Variants in NBEA observed in about 807,000 individuals in gnomAD.
NBEA encodes the protein neurobeachin, also known as lysosomal-trafficking regulator 2.
A neutral mutation model predicts 343.4 loss-of-function variants in NBEA; 44 were observed. That is an observed-to-expected ratio of 0.13 (90% CI 0.10 to 0.16). NBEA has a LOEUF of 0.16. NBEA is among the 10% of genes least tolerant of loss of function. The pLI is 1.00. For synonymous variants in NBEA, 1,175 were observed against 1,238.7 expected, an observed-to-expected ratio of 0.95 and a Z score of 1.08; for missense variants, 2,555 against 3,631.3, an observed-to-expected ratio of 0.70 and a Z score of 7.62.
intron 1 of NBEA, among the ~76,000 whole-genome samples, chr13:34,945,078 A>T (rs1009037521): frequency 1.3e-5 from 2 of 152,304 alleles, no homozygotes; most frequent in East Asian, 3.9e-4. Flanking sequence ...GTTATTTTAG[A>T]GAACTTTACC....
chr13:35,603,971 T>C (rs1382968270), intron 47 of NBEA, among the ~76,000 whole-genome samples: 3 of 152,222 alleles, frequency 2.0e-5, no homozygotes, highest in Non-Finnish European at 2.9e-5. Flanking sequence ...CATTCATACA[T>C]TGAAGTCATA....
At chr13:35,085,849 A>G (rs1267024975) in intron 10 of NBEA, among the ~76,000 whole-genome samples, 4 of 152,160 alleles carry the variant, frequency 2.6e-5, no homozygotes, top group Non-Finnish European at 5.9e-5. Flanking sequence ...ATCTCAGCCC[A>G]AAATCTCCTT....
intron 17 of NBEA, among the ~76,000 whole-genome samples, chr13:35,135,858 T>C (rs1484766615): frequency 6.6e-6 from 1 of 151,950 alleles, no homozygotes; most frequent in East Asian, 1.9e-4. Flanking sequence ...ATTATTTAAC[T>C]TCTGGATTGA....
chr13:35,348,252 T>G (rs563103273), intron 36 of NBEA, among the ~76,000 whole-genome samples: 22 of 152,268 alleles, frequency 1.4e-4, no homozygotes, highest in African/African-American at 5.3e-4. Flanking sequence ...TACATTTCTA[T>G]GTGAGAAAAG....
At chr13:35,051,476 A>G (rs1259454138) in intron 6 of NBEA, among the ~76,000 whole-genome samples, 1 of 152,000 alleles carries the variant, frequency 6.6e-6, no homozygotes, top group Admixed American at 6.6e-5. Context: ...TAGATTTTAC[A>G]TGATTCTAAT....
At chr13:35,246,662 T>C (rs1410229808) in intron 34 of NBEA, among the ~76,000 whole-genome samples, 1 of 152,186 alleles carries the variant, frequency 6.6e-6, no homozygotes, top group Non-Finnish European at 1.5e-5. Context: ...CAGTCGTGGA[T>C]ACCAGCACCT....
At chr13:35,445,814 A>ATATATATG (rs1555267196) in intron 39 of NBEA, among the ~76,000 whole-genome samples, 1 of 103,700 alleles carries the variant, frequency 9.6e-6, no homozygotes, top group African/African-American at 3.8e-5. Flanking sequence ...ATATATATAT[A>ATATATATG]TATGTATATA....
chr13:35,468,357 A>C (rs2075488788), intron 40 of NBEA, among the ~76,000 whole-genome samples: 1 of 152,176 alleles, frequency 6.6e-6, no homozygotes. Flanking sequence ...ATTTTGACTA[A>C]GCACAGACAA....
chr13:35,574,128 T>C (rs2080590107), intron 45 of NBEA, among the ~76,000 whole-genome samples: 2 of 152,050 alleles, frequency 1.3e-5, no homozygotes, highest in African/African-American at 4.8e-5. Flanking sequence ...TAATAGCCAA[T>C]ATTTTGCATG....
intron 36 of NBEA, among the ~76,000 whole-genome samples, chr13:35,327,070 A>G (rs1362943685): frequency 1.3e-5 from 2 of 152,118 alleles, no homozygotes; most frequent in Non-Finnish European, 2.9e-5. Context: ...AATCAAAACC[A>G]CAATGATATA....
intron 38 of NBEA, among the ~76,000 whole-genome samples, chr13:35,430,872 A>G (rs905150799): frequency 3.3e-5 from 5 of 152,268 alleles, no homozygotes; most frequent in East Asian, 3.9e-4. Flanking sequence ...TTATTCATCA[A>G]GTAATCATTA....
intron 41 of NBEA, among the ~76,000 whole-genome samples, chr13:35,549,666 G>C (rs1414220743): frequency 6.6e-6 from 1 of 152,114 alleles, no homozygotes; most frequent in Admixed American, 6.6e-5. Flanking sequence ...AGCAGGAAGG[G>C]CAAAGTGGTA....
At chr13:35,176,871 C>A in intron 27 of NBEA, 125 bp from the exon 28 acceptor site, 1 of 615,432 alleles carries the variant, frequency 1.6e-6, no homozygotes, top group South Asian at 2.1e-5. Flanking sequence ...GGATTATGAT[C>A]AATAAATGTT....
At chr13:35,172,916 C>T (rs1404681846) in intron 26 of NBEA, among the ~76,000 whole-genome samples, 1 of 152,002 alleles carries the variant, frequency 6.6e-6, no homozygotes, top group Non-Finnish European at 1.5e-5. Flanking sequence ...TAAATAAAAA[C>T]ATGTACATAT....
chr13:35,166,783 G>A (rs1030168941), intron 24 of NBEA, among the ~76,000 whole-genome samples: 1 of 151,978 alleles, frequency 6.6e-6, no homozygotes, highest in Non-Finnish European at 1.5e-5. Context: ...CATAGCAGAG[G>A]GAAAAAGTTG....
At chr13:35,222,904 G>A (rs77605439) in intron 33 of NBEA, among the ~76,000 whole-genome samples, 6,810 of 152,174 alleles carry the variant, frequency 0.045, 179 homozygotes, top group South Asian at 0.079. Flanking sequence ...TGAGGCGGGT[G>A]AATCACCTGA....
At chr13:35,572,256 G>A (rs747752611) in intron 45 of NBEA, among the ~76,000 whole-genome samples, 27 of 152,220 alleles carry the variant, frequency 1.8e-4, no homozygotes, top group Admixed American at 5.2e-4. Flanking sequence ...ATATGAACTC[G>A]ACTCTTAAAT....
At chr13:35,039,132 T>C (rs1223423592) in intron 1 of NBEA, among the ~76,000 whole-genome samples, 1 of 152,142 alleles carries the variant, frequency 6.6e-6, no homozygotes, top group African/African-American at 2.4e-5. Flanking sequence ...GGTTTTCCTT[T>C]ATGCTATAGC....
chr13:35,245,646 A>C (rs533042008), intron 34 of NBEA, among the ~76,000 whole-genome samples: 2 of 152,324 alleles, frequency 1.3e-5, no homozygotes, highest in South Asian at 4.1e-4. Context: ...GTTTCTGCTG[A>C]GAAATCTGCT....
Sources: allele counts gnomAD v4.1 joint callset (sites outside exome capture counted in the v4.1 genomes callset), GRCh38; gene constraint gnomAD v4.1.1; transcripts MANE v1.5; gene names NCBI Gene and HGNC (gene_info 2026-07-23, HGNC 2026-07-21).